Variants in CCDC191 observed in about 807,000 individuals in gnomAD.
CCDC191 encodes coiled-coil domain-containing protein 191.
CCDC191 carries 99 observed loss-of-function variants against 114.0 expected under a neutral mutation model. The observed-to-expected ratio is 0.87, with a 90% CI of 0.74 to 1.03. The LOEUF (loss-of-function observed/expected upper bound fraction) is 1.03. Ranked by LOEUF, CCDC191 falls within the 50% of genes least tolerant of loss-of-function variation. The probability of loss-of-function intolerance (pLI) is 0.00; values close to 1 mark genes in which losing one functional copy is unlikely to be tolerated. For missense variants in CCDC191, 973 were observed against 1,087.0 expected, an observed-to-expected ratio of 0.90 and a Z score of 1.47; for synonymous variants, 351 against 376.0, an observed-to-expected ratio of 0.93 and a Z score of 0.77.
At chr3:114,003,091 G>A in intron 11 of CCDC191, 1 of 985,398 alleles carries the variant, frequency 1.0e-6, no homozygotes, top group Non-Finnish European at 1.2e-6. Context: ...GGCAGGAAAT[G>A]GAATTGTACC....
chr3:113,994,909 G>T (rs1559891890), intron 13 of CCDC191, among the ~76,000 whole-genome samples: 1 of 152,066 alleles, frequency 6.6e-6, no homozygotes, highest in Non-Finnish European at 1.5e-5. Flanking sequence ...ACAAAAACCT[G>T]TATGTAAATG....
chr3:114,056,317 T>G (rs2076780192), intron 1 of CCDC191, 60 bp downstream of exon 1: 1 of 1,549,860 alleles, frequency 6.5e-7, no homozygotes, highest in East Asian at 2.2e-5. Flanking sequence ...GCGACTGGCT[T>G]CCTGACTGCG....
Position 114,000,616 on chromosome 3 carries a change from T to A in CCDC191, c.2163+979A>T, listed in dbSNP as rs75166198. ...ACTTCTAATTTCTCCAAATTCTTCA[T>A]GAAACATACCTTATATGACTTTCTT... On this transcript the variant is annotated intron_variant, in intron 13 of 16. Transcript: ENST00000295878. Among the ~76,000 whole-genome samples, 271 of 152,138 alleles carry A rather than the reference T, an allele frequency of 1.8e-3. 1 individual carries two copies. Among genetic ancestry groups the A allele is most frequent in the African/African-American group, 6.4e-3 (267 of 41,520 alleles).
At position 113,992,064 on chromosome 3, in the gene CCDC191, G is replaced by A. The variant is rs540732106; in HGVS notation, c.2163+9531C>T. ...AGCAGCTTTCTACCATCATATCCCC[G>A]CAGAAGCACTGATTTTGACAAGTAC... On this transcript the variant is annotated intron_variant, in intron 13 of 16. Transcript: ENST00000295878. Among the ~76,000 whole-genome samples, 7 of 152,258 alleles carry A rather than the reference G, an allele frequency of 4.6e-5. No individual in the cohort carries two copies. The East Asian group carries it at 7.7e-4, about 17-fold the overall frequency.
intron 1 of CCDC191, among the ~76,000 whole-genome samples, chr3:114,055,763 G>C (rs1294158117): frequency 1.3e-5 from 2 of 151,990 alleles, no homozygotes; most frequent in Non-Finnish European, 2.9e-5. Context: ...TTTAAAATGG[G>C]GTTATTATTT....
chr3:113,996,760 C>G (rs1388568692), intron 13 of CCDC191, among the ~76,000 whole-genome samples: 2 of 151,216 alleles, frequency 1.3e-5, no homozygotes, highest in Non-Finnish European at 2.9e-5. Flanking sequence ...ACTCAGCAAA[C>G]TAATACAGGA....
rs140067371 is a variant in CCDC191, at chr3:114,006,166, T to G, written c.1414-204A>C. 155 of 652,820 alleles carry G rather than the reference T, an allele frequency of 2.4e-4. 2 individuals are homozygous for G. The highest frequency in any genetic ancestry group is 2.2e-3 in the African/African-American group (126 of 56,190). 40.4% of individuals were successfully genotyped at this position (652,820 alleles called of 1,614,324 possible). On this transcript the variant is annotated intron_variant, in intron 9 of 16. Coordinates refer to ENST00000295878, the MANE Select transcript of CCDC191 (RefSeq NM_020817.2). ...CTGCTCACCATGAAAACTGGGAGAG[T>G]GGCCGGCTGTGGTGGCTCATGCCTG... is the stretch of plus-strand genomic sequence containing the variant.
intron 4 of CCDC191, 151 bp from the exon 5 acceptor site, chr3:114,036,937 A>G (rs1487941467): frequency 9.3e-6 from 4 of 429,222 alleles, no homozygotes; most frequent in Non-Finnish European, 1.2e-5. Context: ...CTGATTGAGT[A>G]TAGCCCTCAG....
intron 6 of CCDC191, among the ~76,000 whole-genome samples, chr3:114,034,362 C>G (rs1577456534): frequency 6.6e-6 from 1 of 152,090 alleles, no homozygotes; most frequent in Non-Finnish European, 1.5e-5. Context: ...GTATGATAAA[C>G]TGGCCTGCTG....
chr3:113,987,824 A>C (rs1432653019), intron 13 of CCDC191, among the ~76,000 whole-genome samples: 1 of 152,064 alleles, frequency 6.6e-6, no homozygotes, highest in Non-Finnish European at 1.5e-5. Context: ...CAGGTGGATC[A>C]CGAGGTCAGG....
intron 9 of CCDC191, among the ~76,000 whole-genome samples, chr3:114,010,295 GTTA>G (rs1467833939): frequency 1.3e-5 from 2 of 152,072 alleles, no homozygotes; most frequent in African/African-American, 4.8e-5. Flanking sequence ...ACTTTAACAT[GTTA>G]TTAGTGATTA....
At chr3:113,970,840 A>T (rs2107567434) in intron 16 of CCDC191, among the ~76,000 whole-genome samples, 1 of 152,058 alleles carries the variant, frequency 6.6e-6, no homozygotes, top group South Asian at 2.1e-4. Context: ...TCCTTGCGAT[A>T]GTTTGCTGAG....
At chr3:113,987,129 G>A (rs201773992) in intron 13 of CCDC191, among the ~76,000 whole-genome samples, 54 of 138,974 alleles carry the variant, frequency 3.9e-4, no homozygotes, top group Non-Finnish European at 3.4e-4. Context: ...GGTGTTGAAA[G>A]AAAAAAAAAA....
chr3:113,979,683 A>G (rs964785709), intron 14 of CCDC191, among the ~76,000 whole-genome samples: 7 of 152,142 alleles, frequency 4.6e-5, no homozygotes, highest in African/African-American at 7.2e-5. Context: ...CCTTGTCTAG[A>G]TATCTGGCAC....
At chr3:114,046,024 G>A (rs1577476673) in intron 3 of CCDC191, among the ~76,000 whole-genome samples, 3 of 152,322 alleles carry the variant, frequency 2.0e-5, no homozygotes, top group Non-Finnish European at 4.4e-5. Flanking sequence ...GGAGACATGA[G>A]TCATCCAAAT....
At chr3:114,007,227 C>G (rs1326585146) in intron 9 of CCDC191, among the ~76,000 whole-genome samples, 1 of 152,100 alleles carries the variant, frequency 6.6e-6, no homozygotes, top group Non-Finnish European at 1.5e-5. Flanking sequence ...TGGTTTGAGT[C>G]CATGTTCTAA....
chr3:114,016,862 A>G (rs753621343), intron 8 of CCDC191, among the ~76,000 whole-genome samples: 3 of 152,180 alleles, frequency 2.0e-5, no homozygotes, highest in Non-Finnish European at 4.4e-5. Flanking sequence ...CTCACATTGC[A>G]TCCACTTTAC....
chr3:114,037,519 A>G (rs1348174514), intron 4 of CCDC191, among the ~76,000 whole-genome samples: 1 of 152,158 alleles, frequency 6.6e-6, no homozygotes, highest in Non-Finnish European at 1.5e-5. Context: ...ATTCCACCAT[A>G]TGAATACACC....
At chr3:113,969,994 T>A (rs1940635195) in intron 16 of CCDC191, among the ~76,000 whole-genome samples, 2 of 152,206 alleles carry the variant, frequency 1.3e-5, no homozygotes, top group Admixed American at 1.3e-4. Flanking sequence ...GGCATATCTT[T>A]CTATATGTTT....
Sources: allele counts gnomAD v4.1 joint callset (sites outside exome capture counted in the v4.1 genomes callset), GRCh38; gene constraint gnomAD v4.1.1; transcripts MANE v1.5; gene names NCBI Gene and HGNC (gene_info 2026-07-23, HGNC 2026-07-21).